Variants in PODN observed in about 807,000 individuals in gnomAD.
The protein encoded by PODN is podocan proteoglycan.
In PODN, 40 loss-of-function variants were observed where a neutral mutation model predicts 52.7. The ratio of observed to expected loss-of-function variants is 0.76; its 90% CI spans 0.59 to 0.99. The LOEUF is 0.99. Among genes scored for constraint, PODN ranks in the 50% least tolerant of loss-of-function variants. The probability of loss-of-function intolerance (pLI) is 0.00; values close to 1 mark genes in which losing one functional copy is unlikely to be tolerated. For missense variants in PODN, 720 were observed against 815.1 expected (o/e 0.88, Z 1.42); for synonymous variants, 396 against 377.9 (o/e 1.05, Z -0.56).
chr1:53,064,976 C>A (rs758536594), intron 1 of PODN, among the ~76,000 whole-genome samples: 1 of 152,220 alleles, frequency 6.6e-6, no homozygotes, highest in Non-Finnish European at 1.5e-5. Context: ...CTTGAAACTC[C>A]TGGAGACCAG....
chr1:53,070,211 C>T lies in PODN; in HGVS notation c.312+44C>T, dbSNP rs778381244. The T allele has an allele frequency of 4.3e-5, 69 of 1,594,600 alleles. No homozygotes were observed. In the South Asian group the frequency reaches 7.6e-4, roughly 18 times the overall value. ...CTGTGGTCACGGGGGCTGTCCCACA[C>T]ACCCTTGGTTCCCATCCCAGAACCC... is the stretch of plus-strand genomic sequence containing the variant. On this transcript the variant is annotated intron_variant, in intron 2 of 10. Transcript: ENST00000312553.
At chr1:53,063,947 A>G (rs1643997392) in intron 1 of PODN, among the ~76,000 whole-genome samples, 1 of 151,960 alleles carries the variant, frequency 6.6e-6, no homozygotes, top group South Asian at 2.1e-4. Flanking sequence ...CCTCTCCTCT[A>G]GCCCCACCCC....
rs373726286 is a variant in PODN, at chr1:53,078,435, C to A, written c.925C>A (p.Arg309Ser). The A allele has an allele frequency of 6.2e-7, 1 of 1,613,350 alleles. No individual in the cohort carries two copies. Among genetic ancestry groups the A allele is most frequent in the Non-Finnish European group, 8.5e-7 (1 of 1,180,012 alleles). ...NLSRVPAGLP[R>S]SLVLLHLEKN... ...GTCTCGGGTCCCAGCTGGGCTGCCG[C>A]GCAGCCTGGTGCTGCTGCACTTGGA... The change falls in exon 8 of 11, where the codon CGC (arginine) becomes AGC (serine). Residue 309 changes from arginine (R) to serine (S), a missense_variant. Arg to Ser is a moderately radical substitution (Grantham distance 110). Transcript: ENST00000312553.
At chr1:53,069,752 C>T (rs777251311) in intron 1 of PODN, 49 bp from the exon 2 acceptor site, 2 of 1,523,034 alleles carry the variant, frequency 1.3e-6, no homozygotes, top group Non-Finnish European at 1.8e-6. Context: ...CTCGGGAGGG[C>T]CCCGTCATGA....
intron 2 of PODN, 127 bp downstream of exon 2, chr1:53,070,294 C>T (rs1572262049): frequency 7.0e-7 from 1 of 1,425,246 alleles, no homozygotes; most frequent in East Asian, 2.3e-5. Flanking sequence ...TCTCCACTCC[C>T]AACCACAGGG....
At position 53,078,540 on chromosome 1, in the gene PODN, C is replaced by T. The variant is rs1423316534; in HGVS notation, c.1030C>T (p.Gln344Ter). The stretch of plus-strand genomic sequence containing the variant: ...GGAGTACCTGCTGCTGCACAGCAAC[C>T]AGCTGCGGGAGCAGGGCATCCACCC... Reference protein sequence around the residue: ...SLEYLLLHSNQLREQGIHPLA... With the variant: ...SLEYLLLHSN Residue 344 changes from glutamine (Q) to a stop codon, truncating the protein, a stop_gained, in exon 8 of 11, where the codon CAG (glutamine) becomes TAG (stop). Transcript: ENST00000312553. LOFTEE classifies it high-confidence loss of function. 6.2e-7 allele frequency: 1 copy of T among 1,613,064 alleles called. No homozygotes were observed. The highest frequency in any genetic ancestry group is 2.2e-5 in the East Asian group (1 of 44,898).
In PODN at chr1:53,078,398, C is replaced by T. The variant is rs565662939; in HGVS notation, c.888C>T (p.Ser296=). Residue 296 remains serine, a synonymous_variant, in exon 8 of 11, where the codon TCC becomes TCT. Coordinates refer to ENST00000312553, the MANE Select transcript of PODN (RefSeq NM_153703.5). ...KLSSLEYLDL[S]SNNLSRVPAG... is the part of the protein sequence containing the mutation. ...CCAGCCTGGAGTACCTGGATCTGTC[C>T]AGCAACAACCTGTCTCGGGTCCCAG... The T allele has an allele frequency of 6.2e-6, 10 of 1,613,492 alleles. No individual in the cohort carries two copies. In the Admixed American group the frequency reaches 1.2e-4, roughly 19 times the overall value.
intron 5 of PODN, among the ~76,000 whole-genome samples, chr1:53,076,480 G>A (rs1432821277): frequency 6.6e-6 from 1 of 152,136 alleles, no homozygotes; most frequent in African/African-American, 2.4e-5. Flanking sequence ...AGAGGCTCAA[G>A]ACGGGCCACA....
At chr1:53,074,314 G>A (rs2150299422) in intron 3 of PODN, among the ~76,000 whole-genome samples, 1 of 152,374 alleles carries the variant, frequency 6.6e-6, no homozygotes, top group East Asian at 1.9e-4. Context: ...TGGCAGGACA[G>A]GGTCAGGCTG....
intron 1 of PODN, among the ~76,000 whole-genome samples, chr1:53,069,117 C>A (rs1357110396): frequency 6.6e-6 from 1 of 152,184 alleles, no homozygotes; most frequent in Non-Finnish European, 1.5e-5. Context: ...AAAACCCAAC[C>A]CAACTAATGC....
At position 53,075,858 on chromosome 1, in the gene PODN, C is replaced by G; in HGVS notation, c.472-4C>G. 6.3e-7 allele frequency: 1 copy of G among 1,589,426 alleles called. No homozygotes were observed. Among genetic ancestry groups the G allele is most frequent in the Non-Finnish European group, 8.6e-7 (1 of 1,165,382 alleles). On this transcript the variant is annotated splice_polypyrimidine_tract_variant and splice_region_variant and intron_variant, in intron 4 of 10. Coordinates refer to ENST00000312553, the MANE Select transcript of PODN (RefSeq NM_153703.5). ...TCTTTCGGCCCCAACTCTTCCCTTCCCAGCTGACCTTGGCACCCCGCTTCC... is the reference window on the plus strand; with the variant it reads ...TCTTTCGGCCCCAACTCTTCCCTTCGCAGCTGACCTTGGCACCCCGCTTCC...
At position 53,077,385 on chromosome 1, in the gene PODN, C is replaced by T. The variant is rs1447517116; in HGVS notation, c.738+39C>T. The T allele has an allele frequency of 1.9e-6, 3 of 1,606,442 alleles. No individual in the cohort carries two copies. The Admixed American group carries it at 5.0e-5, about 27-fold the overall frequency. ...GGGTAAGGAGGGGCACAGCAGACCC[C>T]ACAGCCAGGGCACTGGGGCAGGGGC... is the stretch of plus-strand genomic sequence containing the variant. On this transcript the variant is annotated intron_variant, in intron 6 of 10. Transcript: ENST00000312553.
At chr1:53,079,684 A>G (rs1393166603) in intron 8 of PODN, among the ~76,000 whole-genome samples, 2 of 152,140 alleles carry the variant, frequency 1.3e-5, no homozygotes, top group Non-Finnish European at 2.9e-5. Context: ...CAAAACCCCC[A>G]ACTCAACCAG....
intron 10 of PODN, among the ~76,000 whole-genome samples, chr1:53,083,028 T>C (rs1291225339): frequency 4.6e-5 from 7 of 152,188 alleles, no homozygotes; most frequent in Non-Finnish European, 8.8e-5. Context: ...GCTGAGGGGC[T>C]GAGGGAACTG....
chr1:53,071,384 C>T (rs746219530), intron 2 of PODN, 151 bp from the exon 3 acceptor site: 10 of 661,768 alleles, frequency 1.5e-5, no homozygotes, highest in Middle Eastern at 2.5e-4. Flanking sequence ...CCAGAGCTGG[C>T]ACCGGGGGTC....
intron 9 of PODN, among the ~76,000 whole-genome samples, 175 bp from the exon 10 acceptor site, chr1:53,081,806 G>A (rs967290081): frequency 5.9e-5 from 9 of 152,158 alleles, no homozygotes; most frequent in African/African-American, 2.2e-4. Context: ...TGCCCTGACC[G>A]GCCTGTACCT....
At chr1:53,072,991 G>A (rs1356741001) in intron 3 of PODN, 2 of 216,346 alleles carry the variant, frequency 9.2e-6, no homozygotes, top group Admixed American at 8.3e-5. Context: ...GAACCCGGGA[G>A]GCGGAGGTTG....
At chr1:53,066,019 A>G (rs1644027620) in intron 1 of PODN, among the ~76,000 whole-genome samples, 1 of 93,458 alleles carries the variant, frequency 1.1e-5, no homozygotes, top group African/African-American at 8.5e-5. Flanking sequence ...TTTTTTTGAG[A>G]CGGTCTCACT....
intron 1 of PODN, among the ~76,000 whole-genome samples, chr1:53,066,451 G>A (rs960543266): frequency 6.6e-6 from 1 of 152,014 alleles, no homozygotes; most frequent in Non-Finnish European, 1.5e-5. Flanking sequence ...CGACATCTTT[G>A]AGATCTATGG....
Sources: gnomAD v4.1 joint callset for allele counts (sites outside exome capture counted in the v4.1 genomes callset) on GRCh38, gnomAD v4.1.1 for gene constraint, MANE v1.5 for transcripts, NCBI Gene and HGNC (gene_info 2026-07-23, HGNC 2026-07-21) for gene names.